Variants in CHODL observed in about 807,000 individuals in gnomAD.
CHODL encodes the protein chondrolectin.
A neutral mutation model predicts 34.5 loss-of-function variants in CHODL; 29 were observed. The observed-to-expected ratio is 0.84, with a 90% CI of 0.63 to 1.15. The LOEUF (loss-of-function observed/expected upper bound fraction) is 1.15. CHODL is among the 50% of genes most tolerant of loss of function. The pLI is 0.00. For missense variants in CHODL, 332 were observed against 332.5 expected, an observed-to-expected ratio of 1.00 and a Z score of 0.01; for synonymous variants, 125 against 116.1, an observed-to-expected ratio of 1.08 and a Z score of -0.49.
chr21:18,027,297 TA>T (rs367946587), intron 1 of CHODL, among the ~76,000 whole-genome samples: 3 of 151,794 alleles, frequency 2.0e-5, no homozygotes, highest in East Asian at 1.9e-4. Context: ...TAACAATAAA[TA>T]AAAAAAACTC....
chr21:18,186,330 G>A (rs1244617534), intron 2 of CHODL, among the ~76,000 whole-genome samples: 3 of 151,782 alleles, frequency 2.0e-5, no homozygotes, highest in East Asian at 1.9e-4. Flanking sequence ...CAGGAGACAC[G>A]GCATAGGACA....
chr21:18,006,066 C>A (rs977602940), intron 1 of CHODL, among the ~76,000 whole-genome samples: 17 of 152,160 alleles, frequency 1.1e-4, no homozygotes, highest in African/African-American at 3.6e-4. Context: ...ACCCATTTTG[C>A]TTGGCCGTCA....
chr21:18,176,538 G>A (rs2073315875), intron 2 of CHODL, among the ~76,000 whole-genome samples: 1 of 152,108 alleles, frequency 6.6e-6, no homozygotes, highest in African/African-American at 2.4e-5. Flanking sequence ...CCTTGTGTTG[G>A]CAAATACAAT....
chr21:17,931,396 G>A (rs993831221), intron 1 of CHODL, among the ~76,000 whole-genome samples: 2 of 152,186 alleles, frequency 1.3e-5, no homozygotes, highest in African/African-American at 4.8e-5. Flanking sequence ...CTGTCATGGG[G>A]AAAATAATCC....
At chr21:18,257,711 G>A (rs1178192366) in intron 3 of CHODL, among the ~76,000 whole-genome samples, 1 of 152,112 alleles carries the variant, frequency 6.6e-6, no homozygotes, top group African/African-American at 2.4e-5. Context: ...TCCTCAGTTA[G>A]CTTTCTTTTG....
chr21:17,918,578 T>C (rs1858111079), intron 1 of CHODL, among the ~76,000 whole-genome samples: 1 of 152,168 alleles, frequency 6.6e-6, no homozygotes, highest in Non-Finnish European at 1.5e-5. Flanking sequence ...GGGTTCCTCC[T>C]AGGACACATG....
intron 2 of CHODL, among the ~76,000 whole-genome samples, chr21:18,174,686 A>G (rs2146667000): frequency 6.6e-6 from 1 of 152,294 alleles, no homozygotes; most frequent in African/African-American, 2.4e-5. Flanking sequence ...ACTTGAATCA[A>G]TTAGGGAAAC....
intron 2 of CHODL, among the ~76,000 whole-genome samples, chr21:18,034,041 C>A (rs567663520): frequency 1.3e-5 from 2 of 152,026 alleles, no homozygotes; most frequent in South Asian, 2.1e-4. Flanking sequence ...AATTGAGAAC[C>A]CTATGAGTGG....
intron 2 of CHODL, among the ~76,000 whole-genome samples, chr21:18,065,004 T>C (rs2064714327): frequency 6.6e-6 from 1 of 152,194 alleles, no homozygotes; most frequent in Non-Finnish European, 1.5e-5. Flanking sequence ...AGGCTATTTG[T>C]GAATCAGACT....
At chr21:18,140,677 A>G (rs1426328053) in intron 2 of CHODL, among the ~76,000 whole-genome samples, 7 of 152,184 alleles carry the variant, frequency 4.6e-5, no homozygotes. Flanking sequence ...CTTTCATAGT[A>G]AAATACTCAA....
rs536013696 is a variant in CHODL, at chr21:18,218,110, T to C, written c.-44-38399T>C. Among the ~76,000 whole-genome samples, 3 of 152,330 alleles carry C rather than the reference T, an allele frequency of 2.0e-5. No homozygotes were observed. In the South Asian group the frequency reaches 6.2e-4, roughly 32 times the overall value. On this transcript the variant is annotated intron_variant, in intron 2 of 6. Coordinates refer to the CHODL transcript ENST00000400127. ...GATCTACCATTTGAGGTCTGGAGGA[T>C]GGTGGCCCTCTTCTCACAGCTCCAC...
At chr21:18,229,633 G>A (rs2073961306) in intron 2 of CHODL, among the ~76,000 whole-genome samples, 1 of 152,096 alleles carries the variant, frequency 6.6e-6, no homozygotes, top group South Asian at 2.1e-4. Flanking sequence ...TTCAGTGTTA[G>A]GGTGGGGGAG....
At position 18,163,246 on chromosome 21, in the gene CHODL, CA is replaced by C. The variant is rs1183245853; in HGVS notation, c.-44-93261del. ...TACTTTAATAGCATTCCTAAATGAA[CA>C]AGTGTCAAAGTTTGGGTGGAGGAAT... On this transcript the variant is annotated intron_variant, in intron 2 of 6. Transcript: ENST00000400127. Among the ~76,000 whole-genome samples, 3 of 152,150 alleles carry C rather than the reference CA, an allele frequency of 2.0e-5. No homozygotes were observed. In the East Asian group the frequency reaches 5.8e-4, roughly 29 times the overall value.
chr21:17,989,637 A>G (rs2063781351), intron 1 of CHODL, among the ~76,000 whole-genome samples: 1 of 152,140 alleles, frequency 6.6e-6, no homozygotes, highest in African/African-American at 2.4e-5. Context: ...GCTCAAGACA[A>G]TTTTATTTTA....
intron 2 of CHODL, among the ~76,000 whole-genome samples, chr21:18,206,301 T>C (rs1242876256): frequency 6.6e-6 from 1 of 152,220 alleles, no homozygotes; most frequent in East Asian, 1.9e-4. Context: ...ATTTGCTTTG[T>C]ATATCAGAAT....
intron 2 of CHODL, among the ~76,000 whole-genome samples, chr21:18,070,025 T>TTCCCC (rs1555860424): frequency 3.8e-4 from 11 of 29,126 alleles, no homozygotes; most frequent in East Asian, 1.9e-3. Context: ...TTCCCTTCCC[T>TTCCCC]CCCCCCCCCC....
At chr21:18,085,721 CT>C (rs1371927274) in intron 2 of CHODL, among the ~76,000 whole-genome samples, 3 of 152,172 alleles carry the variant, frequency 2.0e-5, no homozygotes, top group Non-Finnish European at 4.4e-5. Flanking sequence ...AAAAAGTCCA[CT>C]GTTAGTCTGA....
chr21:18,011,520 T>G (rs978533539), intron 1 of CHODL, among the ~76,000 whole-genome samples: 4 of 152,220 alleles, frequency 2.6e-5, no homozygotes, highest in African/African-American at 9.6e-5. Flanking sequence ...TTTCTCTTAT[T>G]GAAAATGTCA....
intron 2 of CHODL, among the ~76,000 whole-genome samples, chr21:18,174,120 GGTGTATATAT>G (rs2073265588): frequency 6.8e-5 from 1 of 14,764 alleles, no homozygotes; most frequent in Non-Finnish European, 1.5e-4. Context: ...TATATATCTT[GGTGTATATAT>G]ATATATATAT....
Sources: allele counts gnomAD v4.1 joint callset (sites outside exome capture counted in the v4.1 genomes callset), GRCh38; gene constraint gnomAD v4.1.1; transcripts MANE v1.5; gene names NCBI Gene and HGNC (gene_info 2026-07-23, HGNC 2026-07-21).